PARD3: variants seen among roughly 807,000 people sequenced by gnomAD.
The protein encoded by PARD3 is partitioning defective 3 homolog.
Under a neutral mutation model 155.4 loss-of-function variants are expected in PARD3, and 75 were observed. The ratio of observed to expected loss-of-function variants is 0.48; its 90% CI spans 0.40 to 0.58. The LOEUF (loss-of-function observed/expected upper bound fraction) is 0.58. Ranked by LOEUF, PARD3 falls within the 20% of genes least tolerant of loss-of-function variation. PARD3 has a pLI of 0.00. For missense variants in PARD3, 1,642 were observed against 1,721.7 expected (o/e 0.95, Z 0.82); for synonymous variants, 576 against 610.5 (o/e 0.94, Z 0.83).
At chr10:34,345,106 C>A (rs756878792) in intron 15 of PARD3, 105 of 983,930 alleles carry the variant, frequency 1.1e-4, no homozygotes, top group Non-Finnish European at 1.2e-4. Context: ...AAGATCTCAG[C>A]ATTCCCCAGA....
intron 2 of PARD3, among the ~76,000 whole-genome samples, chr10:34,593,600 T>C (rs1022488821): frequency 6.6e-6 from 1 of 152,208 alleles, no homozygotes; most frequent in Non-Finnish European, 1.5e-5. Flanking sequence ...TTAGAAAACA[T>C]TAATTCAATT....
intron 1 of PARD3, among the ~76,000 whole-genome samples, chr10:34,722,813 T>C (rs2094629608): frequency 6.6e-6 from 1 of 152,258 alleles, no homozygotes; most frequent in South Asian, 2.1e-4. Flanking sequence ...TAGTTTAATA[T>C]TCCTTTTTGA....
chr10:34,347,751 A>G (rs1837582161), intron 15 of PARD3, among the ~76,000 whole-genome samples: 1 of 152,160 alleles, frequency 6.6e-6, no homozygotes, highest in African/African-American at 2.4e-5. Context: ...ACAGGATCTA[A>G]AAGTCACTTA....
At chr10:34,421,003 C>G (rs1846136160) in intron 5 of PARD3, among the ~76,000 whole-genome samples, 1 of 152,014 alleles carries the variant, frequency 6.6e-6, no homozygotes, top group African/African-American at 2.4e-5. Context: ...ATTGCAAGGC[C>G]TCATCTCTAC....
chr10:34,704,298 G>A (rs2094330542), intron 1 of PARD3, among the ~76,000 whole-genome samples: 1 of 152,158 alleles, frequency 6.6e-6, no homozygotes, highest in Non-Finnish European at 1.5e-5. Flanking sequence ...AAGTTGTGAA[G>A]GAAAGAAAAG....
At chr10:34,372,606 A>T in intron 11 of PARD3, 70 bp from the exon 12 acceptor site, 1 of 1,092,496 alleles carries the variant, frequency 9.2e-7, no homozygotes, top group Non-Finnish European at 1.4e-6. Context: ...GGACACAATG[A>T]TTTATTTTAA....
At chr10:34,265,004 G>C (rs990337173) in intron 22 of PARD3, among the ~76,000 whole-genome samples, 25 of 152,170 alleles carry the variant, frequency 1.6e-4, no homozygotes, top group African/African-American at 4.8e-4. Flanking sequence ...TCTTGCCTTG[G>C]CTTCCCAAAG....
intron 22 of PARD3, among the ~76,000 whole-genome samples, chr10:34,221,300 C>G (rs1952272423): frequency 6.6e-6 from 1 of 152,040 alleles, no homozygotes; most frequent in Non-Finnish European, 1.5e-5. Flanking sequence ...TGAGCGCAAG[C>G]TTCCCATGGA....
chr10:34,583,462 G>A (rs1173788937), intron 2 of PARD3, among the ~76,000 whole-genome samples: 2 of 151,458 alleles, frequency 1.3e-5, no homozygotes, highest in Admixed American at 6.6e-5. Context: ...TTTAATTTTT[G>A]CCTTTGGAAA....
At position 34,111,068 on chromosome 10, in the gene PARD3, C is replaced by T. The variant is rs1946359090; in HGVS notation, c.*101G>A. The T allele has an allele frequency of 8.5e-6, 11 of 1,290,860 alleles. No individual in the cohort carries two copies. Among genetic ancestry groups the T allele is most frequent in the Non-Finnish European group, 1.1e-5 (10 of 946,426 alleles). The allele number at this position is 1,290,860 out of a possible 1,614,324, so 80.0% of individuals were successfully genotyped here. On this transcript the variant is annotated 3_prime_UTR_variant, in exon 25 of 25. Coordinates refer to ENST00000374788, the MANE Select transcript of PARD3 (RefSeq NM_001184785.2). ...GGCACTGATACCAACAACAGAAATA[C>T]TCCATAGTACCATCGAGGTTTTAAA...
chr10:34,661,173 T>G (rs773943720), intron 2 of PARD3, among the ~76,000 whole-genome samples: 1 of 152,136 alleles, frequency 6.6e-6, no homozygotes, highest in Non-Finnish European at 1.5e-5. Flanking sequence ...CAGAGCATCA[T>G]GGGAATCTCA....
At chr10:34,558,747 A>G (rs555564218) in intron 2 of PARD3, among the ~76,000 whole-genome samples, 1 of 152,324 alleles carries the variant, frequency 6.6e-6, no homozygotes, top group Non-Finnish European at 1.5e-5. Flanking sequence ...CCTGGCCAAC[A>G]TGGTGAAACC....
intron 2 of PARD3, among the ~76,000 whole-genome samples, chr10:34,651,134 G>A (rs2093004469): frequency 6.6e-6 from 1 of 151,018 alleles, no homozygotes; most frequent in African/African-American, 2.4e-5. Flanking sequence ...CTGAGTGTGT[G>A]AGGAATTATG....
intron 5 of PARD3, among the ~76,000 whole-genome samples, chr10:34,438,647 A>C (rs1393994407): frequency 1.3e-5 from 2 of 152,210 alleles, no homozygotes; most frequent in African/African-American, 2.4e-5. Context: ...ATAAGGGTTC[A>C]CTAGGAGCTA....
chr10:34,147,889 G>A (rs930503274), intron 22 of PARD3, among the ~76,000 whole-genome samples: 7 of 152,052 alleles, frequency 4.6e-5, no homozygotes, highest in South Asian at 4.2e-4. Flanking sequence ...CAGTAAGGAA[G>A]GGGGCAGTGC....
intron 2 of PARD3, among the ~76,000 whole-genome samples, chr10:34,641,573 G>A (rs577690814): frequency 7.2e-5 from 11 of 152,332 alleles, no homozygotes; most frequent in Admixed American, 2.6e-4. Flanking sequence ...GTAAGAAACA[G>A]GAGGCCATTC....
intron 22 of PARD3, among the ~76,000 whole-genome samples, chr10:34,135,557 A>G (rs1485558460): frequency 6.6e-6 from 1 of 152,148 alleles, no homozygotes; most frequent in Non-Finnish European, 1.5e-5. Context: ...TACATCTTCA[A>G]ATTGGATACT....
chr10:34,805,468 C>T (rs948392173), intron 1 of PARD3, among the ~76,000 whole-genome samples: 2 of 151,382 alleles, frequency 1.3e-5, no homozygotes, highest in Admixed American at 6.6e-5. Flanking sequence ...AGAATGTTGA[C>T]TTGACTATCA....
chr10:34,276,179 T>G (rs1232695590), intron 21 of PARD3, among the ~76,000 whole-genome samples: 1 of 152,184 alleles, frequency 6.6e-6, no homozygotes, highest in Non-Finnish European at 1.5e-5. Context: ...TCAAGTCATT[T>G]TTAACTTAAT....
Sources: gnomAD v4.1 joint callset for allele counts (sites outside exome capture counted in the v4.1 genomes callset) on GRCh38, gnomAD v4.1.1 for gene constraint, MANE v1.5 for transcripts, NCBI Gene and HGNC (gene_info 2026-07-23, HGNC 2026-07-21) for gene names.